Variants in AIFM3 observed in about 807,000 individuals in gnomAD.
AIFM3 encodes AIF family member 3.
Under a neutral mutation model 82.7 loss-of-function variants are expected in AIFM3, and 71 were observed. The observed-to-expected ratio is 0.86, with a 90% confidence interval of 0.71 to 1.05. AIFM3 has a LOEUF of 1.05. Ranked by LOEUF, AIFM3 falls within the 50% of genes least tolerant of loss-of-function variation. The probability of loss-of-function intolerance (pLI) is 0.00; values close to 1 mark genes in which losing one functional copy is unlikely to be tolerated. For missense variants in AIFM3, 748 were observed against 816.7 expected, an observed-to-expected ratio of 0.92 and a Z score of 1.03; for synonymous variants, 337 against 329.1, an observed-to-expected ratio of 1.02 and a Z score of -0.26.
At chr22:20,975,884 C>T (rs987425346) in intron 9 of AIFM3, 106 bp downstream of exon 9, 38 of 1,289,716 alleles carry the variant, frequency 2.9e-5, no homozygotes, top group Admixed American at 7.6e-5. Context: ...CCTGGCCCCA[C>T]AGCCCAGGCA....
At position 20,967,955 on chromosome 22, in the gene AIFM3, G is replaced by C. The variant is rs146335337; in HGVS notation, c.11G>C (p.Cys4Ser). 173 of 1,614,132 alleles carry C rather than the reference G, an allele frequency of 1.1e-4. 2 individuals are homozygous for C. In the African/African-American group the frequency reaches 2.0e-3, roughly 19 times the overall value. ...CTCAGGCCACTCGCCATGGGCGGCT[G>C]CTTCTCCAAACCCAAACCAGGTACC... MGG[C>S]FSKPKPVELK... Residue 4 changes from cysteine (C) to serine (S), a missense_variant, in exon 2 of 21, where the codon TGC becomes TCC. By Grantham distance (112) the Cys-to-Ser change is moderately radical (BLOSUM62 -1). Around this residue, in one of 5 missense-constraint regions of AIFM3, gnomAD observed 17 missense variants for 19.0 expected, o/e 0.89. Transcript: ENST00000440238.
chr22:20,972,976 G>A (rs1923363638), intron 2 of AIFM3, among the ~76,000 whole-genome samples: 1 of 151,868 alleles, frequency 6.6e-6, no homozygotes, highest in Non-Finnish European at 1.5e-5. Context: ...GAACCCAGGA[G>A]GCAGAGACTG....
chr22:20,974,396 G>C, intron 6 of AIFM3, 100 bp downstream of exon 6: 11 of 1,569,238 alleles, frequency 7.0e-6, no homozygotes, highest in Non-Finnish European at 9.5e-6. Context: ...GAGGAGCTTG[G>C]CACGTGTCAC....
chr22:20,979,354 A>G lies in AIFM3; in HGVS notation c.1561A>G (p.Ser521Gly). Reference protein sequence around the residue: ...PYLWTAMFGKSLRYAGYGEGF... With the variant: ...PYLWTAMFGKGLRYAGYGEGF... Reference sequence around the variant, plus strand: ...CCTCTGGACCGCCATGTTTGGCAAGAGCCTGCGCTACGCGGGTAACCCCGG... The same window carrying G: ...CCTCTGGACCGCCATGTTTGGCAAGGGCCTGCGCTACGCGGGTAACCCCGG... The change falls in exon 17 of 21, where the codon AGC becomes GGC. Residue 521 changes from serine (S) to glycine (G), a missense_variant. By Grantham distance (56) the Ser-to-Gly change is moderately conservative. Transcript: ENST00000440238. The G allele has an allele frequency of 6.5e-7, 1 of 1,542,622 alleles. No homozygotes were observed. Among genetic ancestry groups the G allele is most frequent in the South Asian group, 1.2e-5 (1 of 84,132 alleles).
chr22:20,973,851 C>A lies in AIFM3; in HGVS notation c.339C>A (p.Gly113=). ...TGGGCCATAAGTGTCCGCACTACGG[C>A]GCACCCCTGGTGAAAGGTGAGCTGT... ...HALGHKCPHY[G]APLVKGVLSR... is the part of the protein sequence containing the mutation. Residue 113 remains glycine (G), a synonymous_variant, in exon 4 of 21, where the codon GGC becomes GGA. Transcript: ENST00000440238. 1.3e-6 allele frequency: 2 copies of A among 1,550,302 alleles called. No homozygotes were observed. The highest frequency in any genetic ancestry group is 1.7e-6 in the Non-Finnish European group (2 of 1,146,244).
At position 20,980,071 on chromosome 22, in the gene AIFM3, C is replaced by G. The variant is rs1195627045; in HGVS notation, c.1704C>G (p.Ser568=). ...VASMNYDPIV[S]KVAEVLASGR... ...GCATGAACTACGATCCCATTGTGTCCAAGGTCGCTGAGGTGCTGGCCTCAG... is the reference window on the plus strand; with the variant it reads ...GCATGAACTACGATCCCATTGTGTCGAAGGTCGCTGAGGTGCTGGCCTCAG... Residue 568 remains serine, a synonymous_variant, in exon 19 of 21, where the codon TCC becomes TCG. Coordinates refer to ENST00000440238, the MANE Select transcript of AIFM3 (RefSeq NM_001386814.1). 2 of 1,611,250 alleles carry G rather than the reference C, an allele frequency of 1.2e-6. No individual in the cohort carries two copies. The highest frequency in any genetic ancestry group is 1.7e-6 in the Non-Finnish European group (2 of 1,180,000).
At chr22:20,975,667 C>T (rs765799066) in intron 8 of AIFM3, 25 bp from the exon 9 acceptor site, 15 of 1,612,354 alleles carry the variant, frequency 9.3e-6, no homozygotes, top group Admixed American at 6.7e-5. Context: ...AAACTGGCTC[C>T]TCTCAAGCTG....
chr22:20,980,147 T>C, intron 19 of AIFM3, 23 bp downstream of exon 19: 2 of 1,600,616 alleles, frequency 1.2e-6, no homozygotes, highest in Non-Finnish European at 8.5e-7. Flanking sequence ...GTGGGAAGCC[T>C]GGGGGTGGGA....
chr22:20,979,207 GGA>G, intron 16 of AIFM3, 62 bp from the exon 17 acceptor site: 1 of 1,517,012 alleles, frequency 6.6e-7, no homozygotes, highest in Non-Finnish European at 9.0e-7. Context: ...CAGGGCATCA[GGA>G]GCAGGTAGTG....
intron 18 of AIFM3, 25 bp downstream of exon 18, chr22:20,979,727 G>C (rs767568142): frequency 3.7e-6 from 6 of 1,613,682 alleles, no homozygotes; most frequent in Non-Finnish European, 5.1e-6. Context: ...GTGCAGCTTG[G>C]CGCGAAGCAG....
chr22:20,976,408 C>T lies in AIFM3; in HGVS notation c.900C>T (p.Ser300=). ...CCTCACTGACACGGCCATGTCTCAGCCCCAAGACTCTGAGCTGCAAAGGCA... is the reference window on the plus strand; with the variant it reads ...CCTCACTGACACGGCCATGTCTCAGTCCCAAGACTCTGAGCTGCAAAGGCA... The part of the protein sequence containing the change: ...YSKLLLAPGS[S]PKTLSCKGKE... The change falls in exon 11 of 21, where the codon AGC becomes AGT. Residue 300 remains serine (S), a splice_region_variant and synonymous_variant. Coordinates refer to ENST00000440238, the MANE Select transcript of AIFM3 (RefSeq NM_001386814.1). 1.2e-6 allele frequency: 2 copies of T among 1,613,926 alleles called. No homozygotes were observed. The highest frequency in any genetic ancestry group is 1.7e-6 in the Non-Finnish European group (2 of 1,180,018).
chr22:20,967,644 G>A, intron 1 of AIFM3, 161 bp from the exon 2 acceptor site: 1 of 499,782 alleles, frequency 2.0e-6, no homozygotes, highest in Non-Finnish European at 3.6e-6. Context: ...GCTTCAAAGG[G>A]GAGGTGACCT....
In AIFM3 at chr22:20,974,947, C is replaced by T; in HGVS notation, c.720+131C>T. ...GCTTATGCCAGGCCTGTCCGTGGTA[C>T]CCCCAAAAGATCTAGATTTGTTGTT... is the stretch of plus-strand genomic sequence containing the variant. On this transcript the variant is annotated intron_variant, in intron 8 of 20. Coordinates refer to ENST00000440238, the MANE Select transcript of AIFM3 (RefSeq NM_001386814.1). 3.7e-6 allele frequency: 3 copies of T among 804,384 alleles called. No individual in the cohort carries two copies. The East Asian group carries it at 8.0e-5, about 22-fold the overall frequency. The allele number at this position is 804,384 out of a possible 1,614,324, so 49.8% of individuals were successfully genotyped here. A position where few individuals can be genotyped will look rare whatever the true frequency, so the allele number is the denominator to read the frequency against.
chr22:20,978,152 T>C (rs739525), intron 16 of AIFM3, 147 bp downstream of exon 16: 386,359 of 754,880 alleles, frequency 0.51, 100,511 homozygotes, highest in South Asian at 0.55. Context: ...CAGCCTCATC[T>C]CGGCGATCCA....
intron 12 of AIFM3, 40 bp from the exon 13 acceptor site, chr22:20,976,827 G>A (rs774106229): frequency 6.3e-7 from 1 of 1,592,874 alleles, no homozygotes; most frequent in Non-Finnish European, 8.6e-7. Context: ...CCCCTGGCTG[G>A]GCTCTCATCC....
intron 2 of AIFM3, among the ~76,000 whole-genome samples, chr22:20,972,891 C>T (rs1378943574): frequency 6.6e-6 from 1 of 152,018 alleles, no homozygotes; most frequent in African/African-American, 2.4e-5. Context: ...CCAACCCTGT[C>T]ACGCCACACC....
upstream of AIFM3, among the ~76,000 whole-genome samples, chr22:20,966,328 G>A (rs1922893745): frequency 6.6e-6 from 1 of 152,204 alleles, no homozygotes; most frequent in Non-Finnish European, 1.5e-5. Flanking sequence ...GGTGGCAGTT[G>A]AGTTTTACAG....
At chr22:20,970,529 T>G (rs1923204013) in intron 2 of AIFM3, among the ~76,000 whole-genome samples, 1 of 152,136 alleles carries the variant, frequency 6.6e-6, no homozygotes, top group Admixed American at 6.5e-5. Flanking sequence ...GGCTTGATCT[T>G]GGCTCACTGC....
At chr22:20,971,413 A>AGGGCTGGGACTTG (rs1211021570) in intron 2 of AIFM3, among the ~76,000 whole-genome samples, 1 of 152,002 alleles carries the variant, frequency 6.6e-6, no homozygotes, top group East Asian at 1.9e-4. Context: ...GCCTGAGCTG[A>AGGGCTGGGACTTG]GGGCTGGGAC....
Sources: gnomAD v4.1 joint callset for allele counts (sites outside exome capture counted in the v4.1 genomes callset) on GRCh38, gnomAD v4.1.1 for gene constraint, gnomAD v4.1.1 regional missense constraint, MANE v1.5 for transcripts, NCBI Gene and HGNC (gene_info 2026-07-23, HGNC 2026-07-21) for gene names.